The following SGCZ variants were observed in gnomAD, a reference collection of about 807,000 sequenced individuals.
SGCZ encodes the protein zeta-sarcoglycan.
Under a neutral mutation model 41.3 loss-of-function variants are expected in SGCZ, and 40 were observed. The ratio of observed to expected loss-of-function variants is 0.97; its 90% CI spans 0.75 to 1.26. The LOEUF is 1.26. Among genes scored for constraint, SGCZ ranks in the 50% most tolerant of loss-of-function variants. The pLI is 0.00. For synonymous variants in SGCZ, 206 were observed against 137.5 expected (o/e 1.50, Z -3.49); for missense variants, 552 against 369.8 (o/e 1.49, Z -4.04).
chr8:14,745,462 A>G (rs1221923120), intron 1 of SGCZ, among the ~76,000 whole-genome samples: 2 of 152,088 alleles, frequency 1.3e-5, no homozygotes, highest in East Asian at 3.9e-4. Flanking sequence ...TGCATGCCTT[A>G]GTCCCATCTA....
intron 1 of SGCZ, among the ~76,000 whole-genome samples, chr8:15,168,561 G>A (rs1440832557): frequency 1.3e-5 from 2 of 151,852 alleles, no homozygotes; most frequent in Non-Finnish European, 2.9e-5. Flanking sequence ...AAGGATGGAA[G>A]ACGGAGAGAA....
In SGCZ at chr8:14,846,703, C is replaced by CAAAAAAA. The variant is rs56796907; in HGVS notation, c.40-291784_40-291778dup. Among the ~76,000 whole-genome samples the CAAAAAAA allele has an allele frequency of 4.7e-4, 9 of 19,258 alleles. 1 individual carries two copies. Among genetic ancestry groups the CAAAAAAA allele is most frequent in the Non-Finnish European group, 5.7e-4 (5 of 8,784 alleles). The allele number at this position is 19,258 out of a possible 152,430, so 12.6% of individuals were successfully genotyped here. Reference sequence around the variant, plus strand: ...ATTTGTAGCTAAAACCCTTTAAATCCAAAAAAAAAAAAAAAAAAAAAAAAA... The same window carrying CAAAAAAA: ...ATTTGTAGCTAAAACCCTTTAAATCCAAAAAAAAAAAAAAAAAAAAAAAAAAAAAAAA... On this transcript the variant is annotated intron_variant, in intron 1 of 7. Coordinates refer to ENST00000382080, the MANE Select transcript of SGCZ (RefSeq NM_139167.4).
At position 14,318,465 on chromosome 8, in the gene SGCZ, C is replaced by G. The variant is rs564930645; in HGVS notation, c.336+5638G>C. On this transcript the variant is annotated intron_variant, in intron 3 of 7. Coordinates refer to ENST00000382080, the MANE Select transcript of SGCZ (RefSeq NM_139167.4). ...TCATAGCACCACAGACCATGAATCC[C>G]TACCCAAACCTAACCCATATCTCCA... Among the ~76,000 whole-genome samples the G allele has an allele frequency of 3.3e-5, 5 of 151,938 alleles. No homozygotes were observed. The South Asian group carries it at 8.3e-4, about 25-fold the overall frequency.
chr8:14,989,746 A>G (rs1585443260), intron 1 of SGCZ, among the ~76,000 whole-genome samples: 1 of 152,206 alleles, frequency 6.6e-6, no homozygotes, highest in Non-Finnish European at 1.5e-5. Flanking sequence ...TTAGTTAAGC[A>G]GAAAGAGAGA....
chr8:14,316,924 A>T (rs931615086), intron 3 of SGCZ, among the ~76,000 whole-genome samples: 2 of 151,778 alleles, frequency 1.3e-5, no homozygotes, highest in African/African-American at 4.8e-5. Context: ...GACAAAATTA[A>T]TAGTTCCACA....
intron 1 of SGCZ, among the ~76,000 whole-genome samples, chr8:15,062,692 A>C (rs1048328399): frequency 6.6e-6 from 1 of 152,206 alleles, no homozygotes; most frequent in African/African-American, 2.4e-5. Flanking sequence ...CAGATAAAGC[A>C]GTTATTTTGA....
At chr8:14,194,561 G>C (rs1805205767) in intron 4 of SGCZ, among the ~76,000 whole-genome samples, 1 of 151,804 alleles carries the variant, frequency 6.6e-6, no homozygotes, top group African/African-American at 2.4e-5. Flanking sequence ...TAATAAAATA[G>C]TAAACCAGGA....
intron 1 of SGCZ, among the ~76,000 whole-genome samples, chr8:15,064,924 C>T (rs886753605): frequency 6.6e-6 from 1 of 152,156 alleles, no homozygotes; most frequent in Non-Finnish European, 1.5e-5. Context: ...ACTATGTCTA[C>T]TTGACATCAG....
At chr8:14,302,022 T>C (rs1330506384) in intron 3 of SGCZ, among the ~76,000 whole-genome samples, 1 of 152,182 alleles carries the variant, frequency 6.6e-6, no homozygotes, top group Non-Finnish European at 1.5e-5. Flanking sequence ...TACACTGATT[T>C]ACAAAGAATA....
intron 1 of SGCZ, among the ~76,000 whole-genome samples, chr8:14,613,325 A>G (rs541215970): frequency 6.6e-6 from 1 of 152,342 alleles, no homozygotes; most frequent in African/African-American, 2.4e-5. Flanking sequence ...GAACTGAAGG[A>G]AACTAGTAAG....
chr8:15,195,496 T>A (rs559945156), intron 1 of SGCZ, among the ~76,000 whole-genome samples: 33 of 152,202 alleles, frequency 2.2e-4, no homozygotes, highest in Non-Finnish European at 4.3e-4. Flanking sequence ...CTGAGCATCC[T>A]TTTGTCTCCT....
intron 5 of SGCZ, among the ~76,000 whole-genome samples, chr8:14,152,173 T>TTATA (rs143252255): frequency 3.2e-4 from 48 of 151,710 alleles, no homozygotes; most frequent in East Asian, 5.9e-4. Flanking sequence ...ATTTGCAAAC[T>TTATA]TATATATATA....
At chr8:14,863,916 T>A (rs1421072271) in intron 1 of SGCZ, among the ~76,000 whole-genome samples, 1 of 152,148 alleles carries the variant, frequency 6.6e-6, no homozygotes, top group East Asian at 1.9e-4. Context: ...GTGTCTTGCA[T>A]GGAAGAAATG....
intron 1 of SGCZ, among the ~76,000 whole-genome samples, chr8:15,033,505 C>A (rs757644769): frequency 1.3e-5 from 2 of 152,026 alleles, no homozygotes; most frequent in Non-Finnish European, 2.9e-5. Context: ...ACCTGTGTGA[C>A]CCCCCTGGAC....
intron 5 of SGCZ, among the ~76,000 whole-genome samples, chr8:14,129,115 G>T (rs1475537423): frequency 1.3e-5 from 2 of 152,010 alleles, no homozygotes; most frequent in Non-Finnish European, 2.9e-5. Flanking sequence ...GGAAGGCCGA[G>T]GTGGGTGGAT....
intron 2 of SGCZ, among the ~76,000 whole-genome samples, chr8:14,432,359 T>C (rs910996523): frequency 6.6e-6 from 1 of 152,152 alleles, no homozygotes; most frequent in Non-Finnish European, 1.5e-5. Context: ...TAAAAAGGAA[T>C]GAAATAATGG....
intron 4 of SGCZ, among the ~76,000 whole-genome samples, chr8:14,176,731 C>G (rs530204155): frequency 6.6e-6 from 1 of 152,250 alleles, no homozygotes; most frequent in East Asian, 1.9e-4. Flanking sequence ...CGATACCCAG[C>G]CTAGGAGCAG....
chr8:15,004,216 A>C (rs1585461280), intron 1 of SGCZ, among the ~76,000 whole-genome samples: 1 of 152,278 alleles, frequency 6.6e-6, no homozygotes, highest in East Asian at 1.9e-4. Context: ...AAGTCCTAAG[A>C]GATACGCAGG....
At chr8:14,850,695 T>G (rs1324490033) in intron 1 of SGCZ, among the ~76,000 whole-genome samples, 2 of 152,188 alleles carry the variant, frequency 1.3e-5, no homozygotes, top group African/African-American at 4.8e-5. Context: ...ATTGTAATCC[T>G]CATAATCTCC....
Sources: gnomAD v4.1 joint callset for allele counts (sites outside exome capture counted in the v4.1 genomes callset) on GRCh38, gnomAD v4.1.1 for gene constraint, MANE v1.5 for transcripts, NCBI Gene and HGNC (gene_info 2026-07-23, HGNC 2026-07-21) for gene names.